PDE11A: variants seen among roughly 807,000 people sequenced by gnomAD.
PDE11A encodes dual 3',5'-cyclic-AMP and -GMP phosphodiesterase 11A.
A neutral mutation model predicts 100.5 loss-of-function variants in PDE11A; 100 were observed. The ratio of observed to expected loss-of-function variants is 1.00; its 90% confidence interval spans 0.85 to 1.18. PDE11A has a LOEUF of 1.18. Ranked by LOEUF, PDE11A falls within the 50% of genes most tolerant of loss-of-function variation. PDE11A has a pLI of 0.00. For missense variants in PDE11A, 1,141 were observed against 1,152.6 expected (o/e 0.99, Z 0.15); for synonymous variants, 381 against 420.8 (o/e 0.91, Z 1.16).
intron 2 of PDE11A, among the ~76,000 whole-genome samples, chr2:177,926,117 A>G (rs756261650): frequency 3.9e-5 from 6 of 152,262 alleles, no homozygotes; most frequent in Non-Finnish European, 8.8e-5. Flanking sequence ...CATTGGAAGC[A>G]TTATTTGTGT....
At position 177,859,093 on chromosome 2, in the gene PDE11A, T is replaced by A. The variant is rs1166908509; in HGVS notation, c.1367+16766A>T. Among the ~76,000 whole-genome samples the A allele has an allele frequency of 2.6e-5, 4 of 151,678 alleles. No homozygotes were observed. In the East Asian group the frequency reaches 7.8e-4, roughly 29 times the overall value. On this transcript the variant is annotated intron_variant, in intron 5 of 19. Coordinates refer to ENST00000286063, the MANE Select transcript of PDE11A (RefSeq NM_016953.4). Reference sequence around the variant, plus strand: ...GGGGAACATCACACACCAGGGCCTGTCGTGGGGTGGGGGGATCGGGGAGGG... The same window carrying A: ...GGGGAACATCACACACCAGGGCCTGACGTGGGGTGGGGGGATCGGGGAGGG...
chr2:177,659,267 G>GAA (rs71010812), intron 19 of PDE11A, among the ~76,000 whole-genome samples: 4,026 of 127,740 alleles, frequency 0.032, 65 homozygotes, highest in East Asian at 0.066. Flanking sequence ...ATCTCAGGGG[G>GAA]AAAAAAAAAA....
intron 9 of PDE11A, among the ~76,000 whole-genome samples, chr2:177,771,413 T>C (rs1013445630): frequency 1.1e-4 from 16 of 152,286 alleles, no homozygotes; most frequent in Admixed American, 2.6e-4. Flanking sequence ...AAAGCCACAA[T>C]GGAAGCAGTG....
intron 2 of PDE11A, among the ~76,000 whole-genome samples, chr2:177,916,665 C>T (rs929155184): frequency 1.3e-5 from 2 of 152,198 alleles, no homozygotes; most frequent in African/African-American, 4.8e-5. Flanking sequence ...CTAGTGCTGA[C>T]ATTTTCTCTG....
intron 16 of PDE11A, among the ~76,000 whole-genome samples, chr2:177,680,035 G>T (rs2080837690): frequency 6.6e-6 from 1 of 152,166 alleles, no homozygotes; most frequent in Admixed American, 6.5e-5. Flanking sequence ...AGTGGCCTGT[G>T]TTCAGAAGAT....
intron 1 of PDE11A, among the ~76,000 whole-genome samples, chr2:178,066,430 A>G (rs1477042485): frequency 6.6e-6 from 1 of 152,166 alleles, no homozygotes; most frequent in Non-Finnish European, 1.5e-5. Context: ...AGCATAGTCC[A>G]ATGGAACAAT....
chr2:177,633,251 C>G (rs1263109164), intron 19 of PDE11A, among the ~76,000 whole-genome samples: 1 of 152,194 alleles, frequency 6.6e-6, no homozygotes, highest in Non-Finnish European at 1.5e-5. Context: ...TTGTGAAAAG[C>G]CTTCTCCAAG....
chr2:177,631,546 T>TATACATAC (rs1553529169), intron 19 of PDE11A, among the ~76,000 whole-genome samples: 19 of 16,622 alleles, frequency 1.1e-3, no homozygotes, highest in African/African-American at 3.0e-3. Context: ...TATATATATA[T>TATACATAC]ACACATGTAT....
chr2:178,092,346 A>G (rs2087433482), intron 2 of PDE11A, among the ~76,000 whole-genome samples: 1 of 152,232 alleles, frequency 6.6e-6, no homozygotes, highest in East Asian at 1.9e-4. Context: ...CAGAATCTGA[A>G]GGGCTCCTGA....
At chr2:177,744,451 A>C (rs890481325) in intron 10 of PDE11A, among the ~76,000 whole-genome samples, 4 of 152,110 alleles carry the variant, frequency 2.6e-5, no homozygotes, top group Non-Finnish European at 5.9e-5. Flanking sequence ...AGGAAGAGAA[A>C]GGACATCTCG....
chr2:178,104,224 A>T, intron 2 of PDE11A: 1 of 1,399,504 alleles, frequency 7.1e-7, no homozygotes, highest in Non-Finnish European at 1.0e-6. Flanking sequence ...AAATTAGGAA[A>T]TTATTATAAT....
chr2:177,723,753 A>G lies in PDE11A; in HGVS notation c.2043+3905T>C, dbSNP rs943186004. On this transcript the variant is annotated intron_variant, in intron 12 of 19. Transcript: ENST00000286063. ...AATGAGTACATTTATGGGATAGTAA[A>G]GAATACTGACTCTTAAAGAAATCTT... Among the ~76,000 whole-genome samples, 4 of 152,290 alleles carry G rather than the reference A, an allele frequency of 2.6e-5. No homozygotes were observed. In the East Asian group the frequency reaches 5.8e-4, roughly 22 times the overall value.
chr2:177,662,129 G>A (rs569982299), intron 19 of PDE11A, among the ~76,000 whole-genome samples: 14 of 152,218 alleles, frequency 9.2e-5, no homozygotes, highest in African/African-American at 3.1e-4. Flanking sequence ...AACTTCCTTT[G>A]TAACCTAAAG....
At chr2:178,066,737 C>A (rs2087050336) in intron 1 of PDE11A, among the ~76,000 whole-genome samples, 1 of 152,210 alleles carries the variant, frequency 6.6e-6, no homozygotes, top group African/African-American at 2.4e-5. Context: ...CCTCCTCACC[C>A]AGAGCTGGCA....
chr2:177,970,002 TAATG>T (rs1364741610), intron 2 of PDE11A, among the ~76,000 whole-genome samples: 1 of 152,224 alleles, frequency 6.6e-6, no homozygotes, highest in Non-Finnish European at 1.5e-5. Context: ...TGGGGAACTT[TAATG>T]AATGTTAGTG....
At chr2:177,683,090 C>G (rs536245239) in intron 15 of PDE11A, among the ~76,000 whole-genome samples, 29 of 152,282 alleles carry the variant, frequency 1.9e-4, no homozygotes, top group Admixed American at 5.2e-4. Context: ...GTGCTTATCA[C>G]CAACTGACCA....
chr2:177,626,270 C>G lies in PDE11A; in HGVS notation c.*3137G>C, dbSNP rs1416153618. On this transcript the variant is annotated 3_prime_UTR_variant, in exon 20 of 20. Coordinates refer to ENST00000286063, the MANE Select transcript of PDE11A (RefSeq NM_016953.4). Reference sequence around the variant, plus strand: ...GGCAGCCTGCAGTCTCTGTCAGACCCTGGGTCCAGTTTTGTCATAAAGCAC... The same window carrying G: ...GGCAGCCTGCAGTCTCTGTCAGACCGTGGGTCCAGTTTTGTCATAAAGCAC... 1.3e-5 allele frequency: 2 copies of G among 152,624 alleles called. No homozygotes were observed. Among genetic ancestry groups the G allele is most frequent in the Non-Finnish European group, 2.9e-5 (2 of 68,054 alleles). 9.5% of individuals were successfully genotyped at this position (152,624 alleles called of 1,614,324 possible). A position where few individuals can be genotyped will look rare whatever the true frequency, so the allele number is the denominator to read the frequency against.
At chr2:177,867,634 GA>G (rs2084053568) in intron 5 of PDE11A, among the ~76,000 whole-genome samples, 2 of 152,250 alleles carry the variant, frequency 1.3e-5, no homozygotes, top group South Asian at 4.2e-4. Flanking sequence ...GCTGAGGCAG[GA>G]GAATCACTTA....
chr2:177,792,099 A>G (rs2082641419), intron 9 of PDE11A, among the ~76,000 whole-genome samples: 1 of 152,232 alleles, frequency 6.6e-6, no homozygotes. Flanking sequence ...TTTCAAAATT[A>G]GTGTTCCATT....
Sources: allele counts gnomAD v4.1 joint callset (sites outside exome capture counted in the v4.1 genomes callset), GRCh38; gene constraint gnomAD v4.1.1; transcripts MANE v1.5; gene names NCBI Gene and HGNC (gene_info 2026-07-23, HGNC 2026-07-21).